The following FAM117B variants were observed in gnomAD, a reference collection of about 807,000 sequenced individuals.
The protein encoded by FAM117B is protein FAM117B.
Under a neutral mutation model 52.8 loss-of-function variants are expected in FAM117B, and 22 were observed. That is an observed-to-expected ratio of 0.42 (90% confidence interval 0.30 to 0.59). The LOEUF is 0.59. Among genes scored for constraint, FAM117B ranks in the 20% least tolerant of loss-of-function variants. FAM117B has a pLI of 0.22. For missense variants in FAM117B, 678 were observed against 802.6 expected (o/e 0.84, Z 1.88); for synonymous variants, 309 against 324.1 (o/e 0.95, Z 0.50).
At chr2:202,676,627 C>T (rs994330720) in intron 1 of FAM117B, among the ~76,000 whole-genome samples, 9 of 152,154 alleles carry the variant, frequency 5.9e-5, no homozygotes, top group Non-Finnish European at 1.2e-4. Context: ...ATCTGCCTGC[C>T]TCAGCCTCCC....
chr2:202,680,233 C>T (rs1041001905), intron 1 of FAM117B, among the ~76,000 whole-genome samples: 1 of 151,828 alleles, frequency 6.6e-6, no homozygotes, highest in Non-Finnish European at 1.5e-5. Flanking sequence ...TGATTGTACT[C>T]TCAGAAGAAG....
At chr2:202,644,064 G>GTTTTTTTTTTTTTTTTTTTCTTTTTTTT (rs1689817079) in intron 1 of FAM117B, among the ~76,000 whole-genome samples, 1 of 95,138 alleles carries the variant, frequency 1.1e-5, no homozygotes, top group Non-Finnish European at 1.9e-5. Flanking sequence ...TTTTTTTTTT[G>GTTTTTTTTTTTTTTTTTTTCTTTTTTTT]TTTTTTTTTT....
chr2:202,642,353 A>ATG (rs1239478999), intron 1 of FAM117B, among the ~76,000 whole-genome samples: 4 of 147,880 alleles, frequency 2.7e-5, no homozygotes, highest in African/African-American at 9.9e-5. Flanking sequence ...GAATATATAT[A>ATG]TATATATATA....
intron 5 of FAM117B, among the ~76,000 whole-genome samples, chr2:202,756,848 T>G (rs1302315644): frequency 6.6e-6 from 1 of 152,186 alleles, no homozygotes; most frequent in Non-Finnish European, 1.5e-5. Context: ...GTTCACATGA[T>G]GAATAACCTT....
chr2:202,729,745 G>C (rs139327504), intron 4 of FAM117B, among the ~76,000 whole-genome samples: 156 of 152,224 alleles, frequency 1.0e-3, no homozygotes, highest in African/African-American at 3.2e-3. Flanking sequence ...GTATAAGGTG[G>C]AAAAAGTCAT....
chr2:202,668,103 A>G (rs1257444749), intron 1 of FAM117B, among the ~76,000 whole-genome samples: 2 of 139,986 alleles, frequency 1.4e-5, no homozygotes, highest in Non-Finnish European at 3.0e-5. Context: ...AAATATATTT[A>G]TATAAAAAAT....
chr2:202,682,384 G>A (rs954312541), intron 1 of FAM117B, among the ~76,000 whole-genome samples: 2 of 152,104 alleles, frequency 1.3e-5, no homozygotes, highest in Non-Finnish European at 2.9e-5. Flanking sequence ...ATGGTGTCTC[G>A]GGGCTAGTAT....
intron 2 of FAM117B, among the ~76,000 whole-genome samples, chr2:202,706,176 C>A (rs1053781983): frequency 6.6e-6 from 1 of 152,074 alleles, no homozygotes; most frequent in African/African-American, 2.4e-5. Flanking sequence ...GTCGCATGCC[C>A]CCACATGTCT....
chr2:202,636,938 T>A (rs1158457757), intron 1 of FAM117B, among the ~76,000 whole-genome samples: 2 of 152,252 alleles, frequency 1.3e-5, no homozygotes, highest in African/African-American at 4.8e-5. Flanking sequence ...GAGTTTCTGT[T>A]GCCCAGGCTG....
intron 2 of FAM117B, among the ~76,000 whole-genome samples, chr2:202,697,040 G>C (rs1173526286): frequency 6.6e-6 from 1 of 152,162 alleles, no homozygotes; most frequent in African/African-American, 2.4e-5. Flanking sequence ...CAGCACACCA[G>C]CCTGGGCAAT....
chr2:202,660,819 A>G (rs953418178), intron 1 of FAM117B, among the ~76,000 whole-genome samples: 5 of 152,212 alleles, frequency 3.3e-5, no homozygotes, highest in African/African-American at 1.2e-4. Context: ...TCCTCTGGTC[A>G]GAGGGAAGGA....
chr2:202,757,175 A>G, intron 5 of FAM117B, 38 bp from the exon 6 acceptor site: 1 of 1,584,126 alleles, frequency 6.3e-7, no homozygotes. Context: ...TTCGAAATTA[A>G]TTATAAATAT....
chr2:202,692,038 C>T (rs1690638154), intron 1 of FAM117B, among the ~76,000 whole-genome samples: 1 of 152,138 alleles, frequency 6.6e-6, no homozygotes, highest in African/African-American at 2.4e-5. Context: ...ATCAGCAACA[C>T]AGTTGCTGTA....
At position 202,635,356 on chromosome 2, in the gene FAM117B, AGCGGCGGCG is replaced by A. The variant is rs758776023; in HGVS notation, c.181_189del (p.Gly61_Gly63del). 1.7e-4 allele frequency: 230 copies of A among 1,375,534 alleles called. 1 individual carries two copies. Among genetic ancestry groups the A allele is most frequent in the South Asian group, 2.0e-4 (12 of 60,382 alleles). 85.2% of individuals were successfully genotyped at this position (1,375,534 alleles called of 1,614,324 possible). A position where few individuals can be genotyped will look rare whatever the true frequency, so the allele number is the denominator to read the frequency against. On this transcript the variant is annotated inframe_deletion, in exon 1 of 8. Transcript: ENST00000392238. Reference sequence around the variant, plus strand: ...GCAGCAACATGGCAGCCCCACGCGGAGCGGCGGCGGCGGCGGCGGCAACAACAACGGTGG... The same window carrying A: ...GCAGCAACATGGCAGCCCCACGCGGAGCGGCGGCGGCAACAACAACGGTGG...
chr2:202,711,493 G>A (rs1690958019), intron 2 of FAM117B, among the ~76,000 whole-genome samples: 1 of 152,068 alleles, frequency 6.6e-6, no homozygotes, highest in Non-Finnish European at 1.5e-5. Context: ...CATTCTTTGG[G>A]TTGTCTTTTT....
chr2:202,710,447 G>GT (rs1690939855), intron 2 of FAM117B, among the ~76,000 whole-genome samples: 1 of 151,666 alleles, frequency 6.6e-6, no homozygotes, highest in Non-Finnish European at 1.5e-5. Flanking sequence ...TATTTATGGG[G>GT]TAGCTGAGAT....
At chr2:202,669,864 A>G (rs1410403931) in intron 1 of FAM117B, among the ~76,000 whole-genome samples, 1 of 152,202 alleles carries the variant, frequency 6.6e-6, no homozygotes, top group East Asian at 1.9e-4. Flanking sequence ...TTGATTGCAA[A>G]TGACAACTCA....
In FAM117B at chr2:202,765,704, A is replaced by G; in HGVS notation, c.1710A>G (p.Thr570=). 2 of 1,614,174 alleles carry G rather than the reference A, an allele frequency of 1.2e-6. No individual in the cohort carries two copies. Among genetic ancestry groups the G allele is most frequent in the Non-Finnish European group, 1.7e-6 (2 of 1,180,026 alleles). Residue 570 remains threonine, a synonymous_variant, in exon 8 of 8, where the codon ACA becomes ACG. Coordinates refer to ENST00000392238, the MANE Select transcript of FAM117B (RefSeq NM_173511.4). Reference sequence around the variant, plus strand: ...ACCGAGTCTCTCGAGGAACAAGTACAGTCATGCCATCAGCTTCTCTACTCC... The same window carrying G: ...ACCGAGTCTCTCGAGGAACAAGTACGGTCATGCCATCAGCTTCTCTACTCC... ...EQDRVSRGTS[T]VMPSASLLPP... is the part of the protein sequence containing the mutation.
At chr2:202,714,899 C>T (rs549072761) in intron 2 of FAM117B, among the ~76,000 whole-genome samples, 1 of 151,930 alleles carries the variant, frequency 6.6e-6, no homozygotes, top group Non-Finnish European at 1.5e-5. Flanking sequence ...TTTCTTAGTA[C>T]AGAACAAAAT....
Sources: gnomAD v4.1 joint callset for allele counts (sites outside exome capture counted in the v4.1 genomes callset) on GRCh38, gnomAD v4.1.1 for gene constraint, MANE v1.5 for transcripts, NCBI Gene and HGNC (gene_info 2026-07-23, HGNC 2026-07-21) for gene names.